The following SLF1 variants were observed in gnomAD, a reference collection of about 807,000 sequenced individuals.
The protein encoded by SLF1 is SMC5/6 complex localization factor 1.
In SLF1, 105 loss-of-function variants were observed where a neutral mutation model predicts 123.0. The ratio of observed to expected loss-of-function variants is 0.85; its 90% CI spans 0.73 to 1.00. SLF1 has a LOEUF of 1.00. Ranked by LOEUF, SLF1 falls within the 50% of genes least tolerant of loss-of-function variation. The pLI, the probability that SLF1 is intolerant of heterozygous loss-of-function variation, is 0.00. For missense variants in SLF1, 1,239 were observed against 1,223.0 expected, an observed-to-expected ratio of 1.01 and a Z score of -0.20; for synonymous variants, 434 against 406.6, an observed-to-expected ratio of 1.07 and a Z score of -0.81.
intron 9 of SLF1, among the ~76,000 whole-genome samples, chr5:94,660,195 G>C (rs945229333): frequency 3.3e-5 from 5 of 152,132 alleles, no homozygotes; most frequent in Admixed American, 6.5e-5. Flanking sequence ...TGAATGGGTG[G>C]GTTGATCCCG....
At chr5:94,640,020 T>G (rs1192896715) in intron 4 of SLF1, among the ~76,000 whole-genome samples, 1 of 152,262 alleles carries the variant, frequency 6.6e-6, no homozygotes, top group East Asian at 1.9e-4. Context: ...CTTTTGCTAG[T>G]CATTTACTTT....
Position 94,695,604 on chromosome 5 carries a change from TA to T in SLF1, c.*296del, listed in dbSNP as rs1753469596. 5.8e-6 allele frequency: 1 copy of T among 171,060 alleles called. No homozygotes were observed. The highest frequency in any genetic ancestry group is 6.2e-5 in the Admixed American group (1 of 16,174). The allele number at this position is 171,060 out of a possible 1,614,324, so 10.6% of individuals were successfully genotyped here. On this transcript the variant is annotated 3_prime_UTR_variant, in exon 21 of 21. Coordinates refer to ENST00000265140, the MANE Select transcript of SLF1 (RefSeq NM_032290.4). ...TGAAAGTGATATTATATTGTACATG[TA>T]AAATTAATTTAAATATTTTTTCAAA...
intron 12 of SLF1, among the ~76,000 whole-genome samples, chr5:94,667,454 G>A (rs1157783707): frequency 6.6e-6 from 1 of 151,782 alleles, no homozygotes; most frequent in Non-Finnish European, 1.5e-5. Context: ...ATTGATCTTG[G>A]GTCTACTTTT....
chr5:94,689,394 T>G, intron 17 of SLF1, 79 bp from the exon 18 acceptor site: 1 of 1,427,788 alleles, frequency 7.0e-7, no homozygotes, highest in Non-Finnish European at 9.4e-7. Context: ...GGGCTAGACT[T>G]TTAAAAAATA....
At chr5:94,663,983 A>G (rs1749443255) in intron 11 of SLF1, 75 bp downstream of exon 11, 5 of 1,343,196 alleles carry the variant, frequency 3.7e-6, no homozygotes, top group Admixed American at 3.2e-5. Flanking sequence ...CACTTTTTGT[A>G]TGTTTACAGT....
intron 1 of SLF1, among the ~76,000 whole-genome samples, chr5:94,622,135 A>G (rs1791856416): frequency 6.6e-6 from 1 of 152,238 alleles, no homozygotes; most frequent in African/African-American, 2.4e-5. Context: ...TACCTTTTGC[A>G]ATATTGGTTC....
intron 14 of SLF1, among the ~76,000 whole-genome samples, chr5:94,677,526 TG>T (rs1273751104): frequency 1.3e-5 from 2 of 152,300 alleles, no homozygotes; most frequent in African/African-American, 4.8e-5. Context: ...ATGCCTAATA[TG>T]GGATTAATTA....
rs1366881045 is a variant in SLF1 at position 94,663,734 on chromosome 5, A to G, written c.1210-16A>G. 6.0e-6 allele frequency: 9 copies of G among 1,501,412 alleles called. 1 individual carries two copies. The highest frequency in any genetic ancestry group is 2.4e-5 in the Admixed American group (1 of 41,470). The allele number at this position is 1,501,412 out of a possible 1,614,324, so 93.0% of individuals were successfully genotyped here. A position where few individuals can be genotyped will look rare whatever the true frequency, so the allele number is the denominator to read the frequency against. Reference sequence around the variant, plus strand: ...ATCTTTCTTTTCTCTGAATCATAGAATCTTTCCTTTCTTAGGTTAAAAATG... The same window carrying G: ...ATCTTTCTTTTCTCTGAATCATAGAGTCTTTCCTTTCTTAGGTTAAAAATG... On this transcript the variant is annotated splice_polypyrimidine_tract_variant and intron_variant, in intron 10 of 20. Coordinates refer to ENST00000265140, the MANE Select transcript of SLF1 (RefSeq NM_032290.4).
At chr5:94,651,276 T>C (rs1747693109) in intron 6 of SLF1, among the ~76,000 whole-genome samples, 1 of 152,212 alleles carries the variant, frequency 6.6e-6, no homozygotes, top group Non-Finnish European at 1.5e-5. Context: ...CGAAATCAAC[T>C]AACGATGTAC....
intron 14 of SLF1, chr5:94,678,582 A>T: frequency 2.8e-6 from 1 of 353,066 alleles, no homozygotes; most frequent in Non-Finnish European, 5.1e-6. Context: ...GTTAAGTTGT[A>T]GGTCCTTGGA....
At chr5:94,619,786 A>G (rs1032421924) in intron 1 of SLF1, among the ~76,000 whole-genome samples, 4 of 152,214 alleles carry the variant, frequency 2.6e-5, no homozygotes, top group African/African-American at 9.6e-5. Context: ...TTGATTACGT[A>G]TATTGCAGGT....
At chr5:94,622,060 C>G (rs149482032) in intron 1 of SLF1, among the ~76,000 whole-genome samples, 1 of 152,174 alleles carries the variant, frequency 6.6e-6, no homozygotes, top group Non-Finnish European at 1.5e-5. Context: ...AATTTCTAAA[C>G]GCCACTTGTA....
intron 1 of SLF1, among the ~76,000 whole-genome samples, chr5:94,626,963 A>C (rs554522060): frequency 6.6e-6 from 1 of 152,358 alleles, no homozygotes; most frequent in African/African-American, 2.4e-5. Context: ...GCAAGGAAAT[A>C]AAAGTTCACT....
intron 9 of SLF1, among the ~76,000 whole-genome samples, chr5:94,656,616 C>T (rs1748409768): frequency 6.6e-6 from 1 of 151,800 alleles, no homozygotes; most frequent in Non-Finnish European, 1.5e-5. Context: ...GTCTTTTGGT[C>T]CTCGGCTTTT....
chr5:94,653,446 GCTTT>G, intron 8 of SLF1, 25 bp downstream of exon 8: 1 of 1,467,650 alleles, frequency 6.8e-7, no homozygotes, highest in Non-Finnish European at 9.0e-7. Context: ...CTAAGCTATA[GCTTT>G]CTTTTTTATT....
chr5:94,660,411 C>T (rs73144149), intron 9 of SLF1, among the ~76,000 whole-genome samples: 6 of 152,264 alleles, frequency 3.9e-5, no homozygotes, highest in African/African-American at 9.6e-5. Context: ...GCACAGGCAC[C>T]AGGAGTGGTG....
chr5:94,651,817 C>A lies in SLF1; in HGVS notation c.854C>A (p.Thr285Asn), dbSNP rs755780639. 6.8e-7 allele frequency: 1 copy of A among 1,474,606 alleles called. No individual in the cohort carries two copies. The highest frequency in any genetic ancestry group is 2.3e-5 in the Admixed American group (1 of 42,814). 91.3% of individuals were successfully genotyped at this position (1,474,606 alleles called of 1,614,324 possible). ...TTGAAATTTGTTAAAATGAGAAATA[C>A]CTTTGGAAGCCATACATATGAAAAT... Reference protein sequence around the residue: ...KDLKFVKMRNTFGSHTYENQK... With the variant: ...KDLKFVKMRNNFGSHTYENQK... Residue 285 changes from threonine to asparagine, a missense_variant, in exon 7 of 21, where the codon ACC becomes AAC. By Grantham distance (65) the Thr-to-Asn change is moderately conservative. Transcript: ENST00000265140.
intron 3 of SLF1, 33 bp from the exon 4 acceptor site, chr5:94,630,470 T>C (rs1348070904): frequency 7.9e-6 from 12 of 1,524,194 alleles, no homozygotes; most frequent in Non-Finnish European, 9.7e-6. Flanking sequence ...GAACCAAAAT[T>C]CCTTTGTGAC....
Position 94,666,011 on chromosome 5 carries a change from G to C in SLF1, c.1519G>C (p.Glu507Gln), listed in dbSNP as rs1413996577. The C allele has an allele frequency of 6.5e-7, 1 of 1,549,604 alleles. No individual in the cohort carries two copies. The highest frequency in any genetic ancestry group is 1.2e-5 in the South Asian group (1 of 83,662). ...TCMKGAWSLV[E>Q]VLIRSCLFNE... is the part of the protein sequence containing the mutation. ...TATGAAAGGAGCATGGTCTTTAGTA[G>C]AAGTCCTTATCAGGTAAGGAATTTC... Residue 507 changes from glutamate to glutamine, a missense_variant, in exon 12 of 21, where the codon GAA becomes CAA. By Grantham distance (29) the Glu-to-Gln change is conservative (BLOSUM62 2). Coordinates refer to ENST00000265140, the MANE Select transcript of SLF1 (RefSeq NM_032290.4).
Sources: allele counts gnomAD v4.1 joint callset (sites outside exome capture counted in the v4.1 genomes callset), GRCh38; gene constraint gnomAD v4.1.1; transcripts MANE v1.5; gene names NCBI Gene and HGNC (gene_info 2026-07-23, HGNC 2026-07-21).